DYNC2H1: variants seen among roughly 807,000 people sequenced by gnomAD.
DYNC2H1 encodes the protein cytoplasmic dynein 2 heavy chain 1.
In DYNC2H1, 410 loss-of-function variants were observed where a neutral mutation model predicts 570.0. The ratio of observed to expected loss-of-function variants is 0.72; its 90% confidence interval spans 0.66 to 0.78. The LOEUF (loss-of-function observed/expected upper bound fraction) is 0.78. DYNC2H1 is among the 30% of genes least tolerant of loss of function. The probability of loss-of-function intolerance (pLI) is 0.00; values close to 1 mark genes in which losing one functional copy is unlikely to be tolerated. For missense variants in DYNC2H1, 4,865 were observed against 5,046.4 expected, an observed-to-expected ratio of 0.96 and a Z score of 1.09; for synonymous variants, 1,688 against 1,677.6, an observed-to-expected ratio of 1.01 and a Z score of -0.15.
At position 103,215,841 on chromosome 11, in the gene DYNC2H1, A is replaced by G. The variant is rs769848700; in HGVS notation, c.8815A>G (p.Ile2939Val). Residue 2939 changes from isoleucine to valine, a missense_variant, in exon 55 of 89, where the codon ATC (isoleucine) becomes GTC (valine). Coordinates refer to ENST00000375735, the MANE Select transcript of DYNC2H1 (RefSeq NM_001377.3). ...QDEADAALQMITVSMQDASEQ... is the reference protein window; with the variant it reads ...QDEADAALQMVTVSMQDASEQ... Reference sequence around the variant, plus strand: ...TGAAGCAGATGCTGCCCTTCAAATGATCACAGTGTCAATGCAGGTAATGTT... The same window carrying G: ...TGAAGCAGATGCTGCCCTTCAAATGGTCACAGTGTCAATGCAGGTAATGTT... 1 of 1,612,876 alleles carries G rather than the reference A, an allele frequency of 6.2e-7. No homozygotes were observed.
chr11:103,142,219 C>CCTGT (rs1859984954), intron 17 of DYNC2H1, among the ~76,000 whole-genome samples: 2 of 152,252 alleles, frequency 1.3e-5, no homozygotes, highest in African/African-American at 4.8e-5. Context: ...CACCCACTGT[C>CCTGT]CTGTGCCCAC....
At chr11:103,376,013 G>C (rs948508855) in intron 83 of DYNC2H1, among the ~76,000 whole-genome samples, 1 of 152,186 alleles carries the variant, frequency 6.6e-6, no homozygotes, top group Non-Finnish European at 1.5e-5. Flanking sequence ...GAGGGACCCA[G>C]TTGGAGGCAA....
rs970314384 is a variant in DYNC2H1 at position 103,446,510 on chromosome 11, T to C, written c.12457-8676T>C. On this transcript the variant is annotated intron_variant, in intron 85 of 88. Transcript: ENST00000375735. This position sits in a 1 kb window ranked among gnomAD's most constrained non-coding sequence, Gnocchi z 4.5. ...GATCTTGAGGAGATGTTTTGTGAAG[T>C]TCTAAAGAATGAAAGCCTGGTCATA... is the stretch of plus-strand genomic sequence containing the variant. Among the ~76,000 whole-genome samples the C allele has an allele frequency of 1.3e-5, 2 of 152,124 alleles. No individual in the cohort carries two copies. Among genetic ancestry groups the C allele is most frequent in the Non-Finnish European group, 2.9e-5 (2 of 68,012 alleles).
intron 53 of DYNC2H1, among the ~76,000 whole-genome samples, chr11:103,211,278 A>G (rs1863144287): frequency 6.6e-6 from 1 of 151,984 alleles, no homozygotes; most frequent in South Asian, 2.1e-4. Context: ...TACAGATGCA[A>G]ATTGTGTCGG....
rs541028343 is a variant in DYNC2H1, at chr11:103,479,165, G to T, written c.12836G>T (p.Arg4279Leu). 3 of 1,613,686 alleles carry T rather than the reference G, an allele frequency of 1.9e-6. No individual in the cohort carries two copies. The highest frequency in any genetic ancestry group is 2.5e-6 in the Non-Finnish European group (3 of 1,179,800). Residue 4279 changes from arginine to leucine, a missense_variant, in exon 89 of 89, where the codon CGT becomes CTT. Arg to Leu is a moderately radical substitution (Grantham distance 102). This residue lies in a region of DYNC2H1 where 2,401 missense variants were observed against 2,454.6 expected (regional missense o/e 0.98). Coordinates refer to ENST00000375735, the MANE Select transcript of DYNC2H1 (RefSeq NM_001377.3). ...GTTTACACAAGTGCTGAAAGGGATC[G>T]TGTGGTTACCAATATTGATGTTCCA... Reference protein sequence around the residue: ...LPVYTSAERDRVVTNIDVPCG... With the variant: ...LPVYTSAERDLVVTNIDVPCG...
At chr11:103,152,846 A>G (rs916885444) in intron 21 of DYNC2H1, among the ~76,000 whole-genome samples, 4 of 152,140 alleles carry the variant, frequency 2.6e-5, no homozygotes, top group African/African-American at 9.7e-5. Flanking sequence ...TTAAAGACAC[A>G]ACCTGGAAGT....
At chr11:103,349,287 A>G (rs1939920525) in intron 82 of DYNC2H1, among the ~76,000 whole-genome samples, 1 of 152,188 alleles carries the variant, frequency 6.6e-6, no homozygotes, top group Non-Finnish European at 1.5e-5. Context: ...AATAGATATT[A>G]TTTTAAAAAA....
At position 103,320,996 on chromosome 11, in the gene DYNC2H1, A is replaced by G. The variant is rs946535928; in HGVS notation, c.11726-33A>G. 7 of 1,504,336 alleles carry G rather than the reference A, an allele frequency of 4.7e-6. No individual in the cohort carries two copies. In the African/African-American group the frequency reaches 9.8e-5, roughly 21 times the overall value. 93.2% of individuals were successfully genotyped at this position (1,504,336 alleles called of 1,614,324 possible). ...CAGGAATTTAGTTAATATTTTAGAA[A>G]TGAAATTAATGAGTGTTTTTTTAAA... On this transcript the variant is annotated intron_variant, in intron 80 of 88. Transcript: ENST00000375735.
rs1008446883 is a variant in DYNC2H1, at chr11:103,325,277, T to C, written c.12039+1287T>C. 2.0e-5 allele frequency among the ~76,000 whole-genome samples: 3 copies of C among 152,242 alleles called. No homozygotes were observed. Among genetic ancestry groups the C allele is most frequent in the African/African-American group, 7.2e-5 (3 of 41,462 alleles). On this transcript the variant is annotated intron_variant, in intron 82 of 88. Transcript: ENST00000375735. This position sits in a 1 kb window ranked among gnomAD's most constrained non-coding sequence, Gnocchi z 4.8. ...TGTTGGCATCTTTGTCATGAAATTTTTGGGCCAGGGCCAATGTTCAGAATT... is the reference window on the plus strand; with the variant it reads ...TGTTGGCATCTTTGTCATGAAATTTCTGGGCCAGGGCCAATGTTCAGAATT...
intron 72 of DYNC2H1, 28 bp from the exon 73 acceptor site, chr11:103,282,980 C>T (rs774499129): frequency 6.4e-7 from 1 of 1,553,030 alleles, no homozygotes; most frequent in Non-Finnish European, 8.8e-7. Flanking sequence ...ACCAAGTATA[C>T]TAAGGAAAAT....
chr11:103,109,908 G>A, intron 1 of DYNC2H1, 139 bp downstream of exon 1: 2 of 894,116 alleles, frequency 2.2e-6, no homozygotes, highest in African/African-American at 1.7e-5. Flanking sequence ...CACTTCTCCT[G>A]CATTATTGGC....
At chr11:103,113,794 ATGT>A (rs1291409283) in intron 2 of DYNC2H1, 87 bp downstream of exon 2, 1 of 1,031,242 alleles carries the variant, frequency 9.7e-7, no homozygotes, top group African/African-American at 1.7e-5. Flanking sequence ...TTTACTGTTA[ATGT>A]TAGTAGTGTT....
chr11:103,399,760 G>T lies in DYNC2H1; in HGVS notation c.12254G>T (p.Arg4085Leu). 1 of 1,613,762 alleles carries T rather than the reference G, an allele frequency of 6.2e-7. No homozygotes were observed. The highest frequency in any genetic ancestry group is 1.7e-5 in the Admixed American group (1 of 59,996). Reference sequence around the variant, plus strand: ...ATTCTTGAACAATTTAATGCTATTCGTTTAGTACAAAGTGTCCACCAGTCT... The same window carrying T: ...ATTCTTGAACAATTTAATGCTATTCTTTTAGTACAAAGTGTCCACCAGTCT... ...FIILEQFNAIRLVQSVHQSLA... is the reference protein window; with the variant it reads ...FIILEQFNAILLVQSVHQSLA... The change falls in exon 84 of 89, where the codon CGT (arginine) becomes CTT (leucine). Residue 4085 changes from arginine to leucine, a missense_variant. Transcript: ENST00000375735.
chr11:103,410,136 A>G (rs912666045), intron 84 of DYNC2H1, among the ~76,000 whole-genome samples: 1 of 152,052 alleles, frequency 6.6e-6, no homozygotes, highest in African/African-American at 2.4e-5. Context: ...TATGCTTACC[A>G]TGTTACAACT....
Position 103,186,536 on chromosome 11 carries a change from A to T in DYNC2H1, c.6893+35A>T. On this transcript the variant is annotated intron_variant, in intron 42 of 88. Transcript: ENST00000375735. This position sits in a 1 kb window ranked among gnomAD's most constrained non-coding sequence, Gnocchi z 4.5. ...ATATTGGCAAAGGTATATGTTGTGGATTTATTCCTGCCGCCCCTAATTGAT... is the reference window on the plus strand; with the variant it reads ...ATATTGGCAAAGGTATATGTTGTGGTTTTATTCCTGCCGCCCCTAATTGAT... 1.9e-6 allele frequency: 3 copies of T among 1,587,580 alleles called. No homozygotes were observed. The highest frequency in any genetic ancestry group is 2.6e-6 in the Non-Finnish European group (3 of 1,168,638).
chr11:103,287,143 AT>A (rs11329846), intron 74 of DYNC2H1, among the ~76,000 whole-genome samples: 19,219 of 149,758 alleles, frequency 0.13, 1,508 homozygotes, highest in Admixed American at 0.24. Context: ...TGCTATTTCT[AT>A]TTTTTTTTTA....
rs1170212748 is a variant in DYNC2H1 at position 103,170,053 on chromosome 11, T to A, written c.4969-55T>A. 2.9e-6 allele frequency: 4 copies of A among 1,385,790 alleles called. No individual in the cohort carries two copies. The highest frequency in any genetic ancestry group is 1.5e-5 in the African/African-American group (1 of 67,692). 85.8% of individuals were successfully genotyped at this position (1,385,790 alleles called of 1,614,324 possible). ...ACTACAATCTCATGCTGTAAAAATA[T>A]TTGTAAATGTTGAATAGAACATGAA... On this transcript the variant is annotated intron_variant, in intron 32 of 88. Transcript: ENST00000375735. The surrounding 1 kb of genome is among the most constrained non-coding windows in gnomAD (Gnocchi z 4.8).
intron 84 of DYNC2H1, among the ~76,000 whole-genome samples, chr11:103,435,493 C>T (rs1321672623): frequency 6.6e-6 from 1 of 151,890 alleles, no homozygotes; most frequent in Non-Finnish European, 1.5e-5. Context: ...ATTTCATGTA[C>T]TCCTTTTTAT....
intron 6 of DYNC2H1, 78 bp from the exon 7 acceptor site, chr11:103,120,369 A>G (rs1405499930): frequency 4.6e-6 from 6 of 1,291,350 alleles, no homozygotes; most frequent in Admixed American, 5.3e-5. Flanking sequence ...ATTCTTGCCC[A>G]ATATATCTAG....
Sources: allele counts gnomAD v4.1 joint callset (sites outside exome capture counted in the v4.1 genomes callset), GRCh38; gene constraint gnomAD v4.1.1; regional missense constraint gnomAD v4.1.1; non-coding constraint Gnocchi (gnomAD v3.1); transcripts MANE v1.5; gene names NCBI Gene and HGNC (gene_info 2026-07-23, HGNC 2026-07-21).